The following ESRRG variants were observed in gnomAD, a reference collection of about 807,000 sequenced individuals.
The protein encoded by ESRRG is estrogen related receptor gamma.
Under a neutral mutation model 44.0 loss-of-function variants are expected in ESRRG, and 13 were observed. The ratio of observed to expected loss-of-function variants is 0.30; its 90% CI spans 0.19 to 0.47. The LOEUF is 0.47. Among genes scored for constraint, ESRRG ranks in the 20% least tolerant of loss-of-function variants. The pLI is 1.00. For synonymous variants in ESRRG, 215 were observed against 214.6 expected (o/e 1.00, Z -0.02); for missense variants, 395 against 580.6 (o/e 0.68, Z 3.29).
chr1:217,117,288 T>A (rs532109763), intron 1 of ESRRG, among the ~76,000 whole-genome samples: 124 of 152,274 alleles, frequency 8.1e-4, no homozygotes, highest in African/African-American at 2.8e-3. Flanking sequence ...AATGAAATTT[T>A]AAAATGAAAT....
At chr1:216,893,169 C>T (rs1211045540) in intron 2 of ESRRG, among the ~76,000 whole-genome samples, 1 of 152,150 alleles carries the variant, frequency 6.6e-6, no homozygotes, top group Non-Finnish European at 1.5e-5. Context: ...GGAGTCCTTG[C>T]TGCCTAGAAT....
chr1:216,786,720 A>G (rs1375476608), intron 2 of ESRRG, among the ~76,000 whole-genome samples: 5 of 152,152 alleles, frequency 3.3e-5, no homozygotes, highest in Non-Finnish European at 5.9e-5. Context: ...ATATCATCAA[A>G]TTCCAGTCTG....
intron 2 of ESRRG, among the ~76,000 whole-genome samples, chr1:216,894,512 C>A (rs1050094870): frequency 1.3e-5 from 2 of 152,036 alleles, no homozygotes; most frequent in African/African-American, 4.8e-5. Context: ...GTGTTTATTT[C>A]TCTTGGTGGC....
Position 217,053,460 on chromosome 1 carries a change from CAAA to C in ESRRG, c.-106+36044_-106+36046del, listed in dbSNP as rs199728551. Among the ~76,000 whole-genome samples the C allele has an allele frequency of 8.0e-5, 5 of 62,478 alleles. No homozygotes were observed. In the East Asian group the frequency reaches 2.5e-3, roughly 31 times the overall value. The allele number at this position is 62,478 out of a possible 152,430, so 41.0% of individuals were successfully genotyped here. A position where few individuals can be genotyped will look rare whatever the true frequency, so the allele number is the denominator to read the frequency against. On this transcript the variant is annotated intron_variant, in intron 1 of 7. Coordinates refer to the ESRRG transcript ENST00000359162. ...ACAGAGTGAGATTCTGTCCCAAAGC[CAAA>C]AAAAAGAAAGAAAGAAAGAAAGAAA...
intron 2 of ESRRG, among the ~76,000 whole-genome samples, chr1:216,797,329 C>T (rs1055027021): frequency 1.3e-5 from 2 of 152,016 alleles, no homozygotes; most frequent in African/African-American, 2.4e-5. Flanking sequence ...TTTCAGGATC[C>T]CACCGAGGAT....
rs145146017 is a variant in ESRRG, at chr1:216,981,430, G to T, written c.-105-41757C>A. Among the ~76,000 whole-genome samples, 826 of 152,158 alleles carry T rather than the reference G, an allele frequency of 5.4e-3. 6 individuals carry two copies. The highest frequency in any genetic ancestry group is 0.017 in the Middle Eastern group (5 of 292). On this transcript the variant is annotated intron_variant, in intron 1 of 7. Transcript: ENST00000359162. Reference sequence around the variant, plus strand: ...ATAGGCTACTTACGGCCTGTAAAATGGAGACAATAATGGTACCCTATTTCA... The same window carrying T: ...ATAGGCTACTTACGGCCTGTAAAATTGAGACAATAATGGTACCCTATTTCA...
At chr1:216,615,430 C>T (rs1164175216) in intron 3 of ESRRG, among the ~76,000 whole-genome samples, 2 of 152,166 alleles carry the variant, frequency 1.3e-5, no homozygotes, top group African/African-American at 2.4e-5. Context: ...TAACGTAGGG[C>T]TTGTTTACAC....
chr1:216,541,561 A>AGTGTGTGT (rs34245595), intron 5 of ESRRG, among the ~76,000 whole-genome samples: 3,039 of 130,370 alleles, frequency 0.023, 66 homozygotes, highest in Middle Eastern at 0.054. Context: ...TCTTTTGGTT[A>AGTGTGTGT]GTGTGTGTGT....
chr1:216,627,901 T>TATGCA, intron 3 of ESRRG, among the ~76,000 whole-genome samples: 1 of 152,206 alleles, frequency 6.6e-6, no homozygotes, highest in East Asian at 1.9e-4. Flanking sequence ...GTATTTACAG[T>TATGCA]ATGCAAGGTA....
At chr1:216,586,581 C>CTT (rs752769234) in intron 3 of ESRRG, among the ~76,000 whole-genome samples, 178 of 124,066 alleles carry the variant, frequency 1.4e-3, no homozygotes, top group South Asian at 4.5e-3. Context: ...AACTTTTGGG[C>CTT]TTTTTTTTTT....
At chr1:216,952,802 G>GCCCC (rs1280182642) in intron 1 of ESRRG, among the ~76,000 whole-genome samples, 1 of 151,702 alleles carries the variant, frequency 6.6e-6, no homozygotes, top group Non-Finnish European at 1.5e-5. Context: ...TTCCAACTGA[G>GCCCC]CCCCCAGATC....
intron 2 of ESRRG, among the ~76,000 whole-genome samples, chr1:216,765,789 G>A (rs1227771649): frequency 6.6e-6 from 1 of 152,044 alleles, no homozygotes; most frequent in African/African-American, 2.4e-5. Context: ...GCGTTCCACT[G>A]CCTGACAAAG....
chr1:216,716,990 G>A (rs988630605), intron 1 of ESRRG, among the ~76,000 whole-genome samples: 2 of 151,778 alleles, frequency 1.3e-5, no homozygotes, highest in African/African-American at 4.8e-5. Context: ...GCCTCAGTAA[G>A]TTACCTTCCA....
chr1:216,752,241 G>A lies in ESRRG; in HGVS notation c.-13-74750C>T, dbSNP rs149475289. On this transcript the variant is annotated intron_variant, in intron 2 of 7. Transcript: ENST00000359162. ...AATTTTTCCTTTGCTTCAATAGCAA[G>A]AGAGCAGATTCCGCTTTTCTCTGCT... Among the ~76,000 whole-genome samples the A allele has an allele frequency of 7.8e-3, 1,192 of 152,158 alleles. 4 individuals carry two copies. Among genetic ancestry groups the A allele is most frequent in the Non-Finnish European group, 0.014 (957 of 67,980 alleles).
At chr1:217,059,158 T>G (rs2087811761) in intron 1 of ESRRG, among the ~76,000 whole-genome samples, 1 of 149,810 alleles carries the variant, frequency 6.7e-6, no homozygotes, top group South Asian at 2.1e-4. Context: ...AGGAACATAT[T>G]AAACTGCACT....
intron 1 of ESRRG, among the ~76,000 whole-genome samples, chr1:217,031,553 A>G (rs1235513990): frequency 6.6e-6 from 1 of 152,264 alleles, no homozygotes; most frequent in African/African-American, 2.4e-5. Context: ...GGAGAAACAT[A>G]TGACAACTTT....
At chr1:217,110,695 T>C (rs1049621154) in intron 1 of ESRRG, among the ~76,000 whole-genome samples, 1 of 152,064 alleles carries the variant, frequency 6.6e-6, no homozygotes, top group Non-Finnish European at 1.5e-5. Flanking sequence ...GAGAACTCAC[T>C]CACTATCATA....
intron 2 of ESRRG, among the ~76,000 whole-genome samples, chr1:216,779,506 A>G (rs1224513606): frequency 5.5e-5 from 5 of 90,996 alleles, no homozygotes; most frequent in African/African-American, 2.2e-4. Context: ...ATATATAAAT[A>G]TATATTTATA....
intron 3 of ESRRG, among the ~76,000 whole-genome samples, chr1:216,623,670 A>T (rs1019868305): frequency 2.0e-5 from 3 of 152,144 alleles, no homozygotes; most frequent in Admixed American, 2.0e-4. Context: ...AGCACTGAAA[A>T]CTTACCCAAT....
Sources: allele counts gnomAD v4.1 joint callset (sites outside exome capture counted in the v4.1 genomes callset), GRCh38; gene constraint gnomAD v4.1.1; transcripts MANE v1.5; gene names NCBI Gene and HGNC (gene_info 2026-07-23, HGNC 2026-07-21).